CADM2: variants seen among roughly 807,000 people sequenced by gnomAD.
The protein encoded by CADM2 is immunoglobulin superfamily member 4D.
A neutral mutation model predicts 49.8 loss-of-function variants in CADM2; 12 were observed. The observed-to-expected ratio is 0.24, with a 90% CI of 0.15 to 0.39. CADM2 has a LOEUF of 0.39. Among genes scored for constraint, CADM2 ranks in the 10% least tolerant of loss-of-function variants. CADM2 has a pLI of 1.00. For synonymous variants in CADM2, 214 were observed against 175.4 expected, an observed-to-expected ratio of 1.22 and a Z score of -1.74; for missense variants, 378 against 492.3, an observed-to-expected ratio of 0.77 and a Z score of 2.20.
intron 1 of CADM2, among the ~76,000 whole-genome samples, chr3:85,685,443 G>A (rs887484932): frequency 1.3e-5 from 2 of 152,094 alleles, no homozygotes; most frequent in Non-Finnish European, 2.9e-5. Context: ...GTTGGGAATA[G>A]GGGAGGCTAT....
chr3:85,916,943 T>C (rs1304594525), intron 6 of CADM2, among the ~76,000 whole-genome samples: 1 of 152,216 alleles, frequency 6.6e-6, no homozygotes, highest in Non-Finnish European at 1.5e-5. Flanking sequence ...CATTTTTTCA[T>C]GTGTTTTTTG....
intron 1 of CADM2, among the ~76,000 whole-genome samples, chr3:85,424,296 A>G: frequency 6.6e-6 from 1 of 151,860 alleles, no homozygotes; most frequent in East Asian, 1.9e-4. Context: ...TAGAGATAGT[A>G]GATTTAAAAA....
intron 8 of CADM2, among the ~76,000 whole-genome samples, chr3:86,059,169 T>G (rs1476339155): frequency 2.0e-5 from 3 of 152,132 alleles, no homozygotes; most frequent in South Asian, 2.1e-4. Context: ...TACTGTTATC[T>G]TAAAAGGCCA....
intron 8 of CADM2, among the ~76,000 whole-genome samples, chr3:86,021,800 C>T (rs113282146): frequency 0.031 from 4,651 of 151,994 alleles, 162 homozygotes; most frequent in Non-Finnish European, 0.039. Flanking sequence ...AGATAGAGAA[C>T]AAAACAGCAG....
In CADM2 at chr3:85,229,363, G is replaced by A. The variant is rs541209545; in HGVS notation, c.61+269695G>A. ...GGATCCTACTGGTACAGTCTCTCAC[G>A]GCTTCCCTTGGCTAGGAAAGGGAAA... On this transcript the variant is annotated intron_variant, in intron 1 of 9. Coordinates refer to ENST00000383699, the MANE Select transcript of CADM2 (RefSeq NM_001167675.2). Among the ~76,000 whole-genome samples, 20 of 152,224 alleles carry A rather than the reference G, an allele frequency of 1.3e-4. No individual in the cohort carries two copies. The South Asian group carries it at 2.1e-3, about 16-fold the overall frequency.
chr3:85,869,063 T>C (rs2075823005), intron 3 of CADM2, among the ~76,000 whole-genome samples: 1 of 152,182 alleles, frequency 6.6e-6, no homozygotes, highest in African/African-American at 2.4e-5. Flanking sequence ...TATAGTAATA[T>C]TTTAAGAATG....
chr3:85,915,587 G>A (rs10084664), intron 6 of CADM2, among the ~76,000 whole-genome samples: 25,825 of 151,958 alleles, frequency 0.17, 2,237 homozygotes, highest in East Asian at 0.2. Context: ...CATCTCAATA[G>A]TTGTTCCCAG....
chr3:85,388,048 A>G (rs2034331821), intron 1 of CADM2, among the ~76,000 whole-genome samples: 1 of 152,190 alleles, frequency 6.6e-6, no homozygotes. Flanking sequence ...GCAAATGTTT[A>G]GTTAACTGGC....
chr3:85,752,463 T>A (rs1269093107), intron 2 of CADM2, among the ~76,000 whole-genome samples: 2 of 108,232 alleles, frequency 1.8e-5, no homozygotes, highest in African/African-American at 8.0e-5. Context: ...ATGTCTCATA[T>A]GTGTGCGTGC....
intron 1 of CADM2, among the ~76,000 whole-genome samples, chr3:85,120,276 G>A (rs76569525): frequency 2.0e-5 from 3 of 152,134 alleles, no homozygotes; most frequent in African/African-American, 4.8e-5. Context: ...ACAGTGTGGC[G>A]ATTCCTCAAG....
At chr3:85,578,081 T>C (rs1285729064) in intron 1 of CADM2, among the ~76,000 whole-genome samples, 1 of 151,816 alleles carries the variant, frequency 6.6e-6, no homozygotes, top group Non-Finnish European at 1.5e-5. Flanking sequence ...TTTTTATTTA[T>C]TTTTATTTTT....
intron 3 of CADM2, among the ~76,000 whole-genome samples, chr3:85,875,659 A>G (rs560006144): frequency 2.0e-5 from 3 of 152,308 alleles, no homozygotes. Flanking sequence ...TGGCTAGCAG[A>G]TTGCATGAGT....
chr3:85,461,506 TTA>T (rs1345354851), intron 1 of CADM2, among the ~76,000 whole-genome samples: 1 of 152,202 alleles, frequency 6.6e-6, no homozygotes, highest in African/African-American at 2.4e-5. Context: ...ACCATATATG[TTA>T]TGTTTCTGAA....
At chr3:84,960,674 T>C (rs1393565997) in intron 1 of CADM2, among the ~76,000 whole-genome samples, 2 of 152,170 alleles carry the variant, frequency 1.3e-5, no homozygotes, top group Non-Finnish European at 2.9e-5. Flanking sequence ...AACGCTGTTA[T>C]TATGCAAATC....
chr3:85,613,204 A>G (rs2063720632), intron 1 of CADM2, among the ~76,000 whole-genome samples: 1 of 151,778 alleles, frequency 6.6e-6, no homozygotes, highest in African/African-American at 2.4e-5. Context: ...GAGGAAATCA[A>G]AGAATATGCT....
At chr3:85,382,330 A>G (rs2033954027) in intron 1 of CADM2, among the ~76,000 whole-genome samples, 1 of 152,228 alleles carries the variant, frequency 6.6e-6, no homozygotes, top group East Asian at 1.9e-4. Flanking sequence ...CGTAGAGAGA[A>G]GTCTGGGAGT....
chr3:85,022,179 C>T (rs2034539915), intron 1 of CADM2, among the ~76,000 whole-genome samples: 1 of 152,144 alleles, frequency 6.6e-6, no homozygotes, highest in African/African-American at 2.4e-5. Context: ...ACATCATCTT[C>T]TAAATTTGTT....
chr3:85,827,091 G>A (rs773255040), intron 3 of CADM2, among the ~76,000 whole-genome samples: 1 of 151,994 alleles, frequency 6.6e-6, no homozygotes, highest in East Asian at 1.9e-4. Flanking sequence ...CAAGGATGCT[G>A]AAAAGCACCA....
intron 3 of CADM2, among the ~76,000 whole-genome samples, chr3:85,859,512 A>G (rs2075444567): frequency 6.6e-6 from 1 of 152,102 alleles, no homozygotes; most frequent in Non-Finnish European, 1.5e-5. Context: ...GATTACAGGC[A>G]TGAGCCACTG....
Sources: gnomAD v4.1 joint callset for allele counts (sites outside exome capture counted in the v4.1 genomes callset) on GRCh38, gnomAD v4.1.1 for gene constraint, MANE v1.5 for transcripts, NCBI Gene and HGNC (gene_info 2026-07-23, HGNC 2026-07-21) for gene names.